Variants in VPS50 observed in about 807,000 individuals in gnomAD.
VPS50 encodes the protein syndetin.
A neutral mutation model predicts 139.7 loss-of-function variants in VPS50; 70 were observed. The ratio of observed to expected loss-of-function variants is 0.50; its 90% CI spans 0.41 to 0.61. The LOEUF (loss-of-function observed/expected upper bound fraction) is 0.61, where lower values mean the gene tolerates loss of function less well. Among genes scored for constraint, VPS50 ranks in the 20% least tolerant of loss-of-function variants. The pLI is 0.00. For synonymous variants in VPS50, 365 were observed against 376.7 expected (o/e 0.97, Z 0.36); for missense variants, 921 against 1,133.7 (o/e 0.81, Z 2.69).
chr7:93,283,734 G>A (rs1287563937), intron 12 of VPS50, among the ~76,000 whole-genome samples: 3 of 152,204 alleles, frequency 2.0e-5, no homozygotes, highest in African/African-American at 7.2e-5. Context: ...GGAGGAAAAA[G>A]TTGGGTCTTA....
At chr7:93,330,249 C>T (rs538032280) in intron 21 of VPS50, among the ~76,000 whole-genome samples, 3 of 151,950 alleles carry the variant, frequency 2.0e-5, no homozygotes, top group African/African-American at 7.2e-5. Flanking sequence ...TTTTAGCCAA[C>T]AGGAATATTA....
At chr7:93,304,204 A>C (rs1347798923) in intron 17 of VPS50, among the ~76,000 whole-genome samples, 1 of 151,882 alleles carries the variant, frequency 6.6e-6, no homozygotes, top group African/African-American at 2.4e-5. Context: ...ATCAAGTGTC[A>C]AAATGCAGTG....
intron 12 of VPS50, among the ~76,000 whole-genome samples, chr7:93,287,992 TCA>T (rs1796541521): frequency 1.3e-5 from 2 of 152,116 alleles, no homozygotes; most frequent in Non-Finnish European, 2.9e-5. Context: ...TTTAATTGAC[TCA>T]CAGTTCCACA....
intron 1 of VPS50, among the ~76,000 whole-genome samples, chr7:93,236,315 A>G (rs952864720): frequency 6.6e-6 from 1 of 152,180 alleles, no homozygotes; most frequent in Non-Finnish European, 1.5e-5. Context: ...TGGGTTCAGG[A>G]GAAAATAGGG....
Position 93,355,999 on chromosome 7 carries a change from T to A in VPS50, c.2694T>A (p.Pro898=). 1 of 1,584,524 alleles carries A rather than the reference T, an allele frequency of 6.3e-7. No individual in the cohort carries two copies. The highest frequency in any genetic ancestry group is 8.6e-7 in the Non-Finnish European group (1 of 1,157,724). The part of the protein sequence containing the change: ...LEKLTDIRPI[P]DKEFVETYIK... ...AACTAACAGATATTAGACCCATTCC[T>A]GATAAAGAATTTGTAGAAACTTATA... Residue 898 remains proline, a synonymous_variant, in exon 27 of 28, where the codon CCT becomes CCA. Transcript: ENST00000305866.
intron 20 of VPS50, among the ~76,000 whole-genome samples, chr7:93,322,322 G>A (rs1235072104): frequency 3.3e-5 from 5 of 152,218 alleles, no homozygotes; most frequent in East Asian, 3.9e-4. Context: ...AATTTAGGCC[G>A]GGCGCGGTGG....
At chr7:93,303,738 C>T (rs750658794) in intron 17 of VPS50, among the ~76,000 whole-genome samples, 188 bp downstream of exon 17, 5 of 151,514 alleles carry the variant, frequency 3.3e-5, no homozygotes, top group Admixed American at 1.3e-4. Flanking sequence ...TTTATGGTTG[C>T]GAAAAATCAG....
At chr7:93,253,783 G>C (rs1795405587) in intron 3 of VPS50, 77 bp from the exon 4 acceptor site, 2 of 789,870 alleles carry the variant, frequency 2.5e-6, no homozygotes, top group Non-Finnish European at 4.3e-6. Context: ...TAGTTCACTA[G>C]TCAGAAGGGT....
At chr7:93,299,846 G>A (rs763771221) in intron 16 of VPS50, among the ~76,000 whole-genome samples, 5 of 152,010 alleles carry the variant, frequency 3.3e-5, no homozygotes, top group Non-Finnish European at 7.4e-5. Flanking sequence ...AAAGAACATC[G>A]TTCTGTCAGA....
intron 12 of VPS50, among the ~76,000 whole-genome samples, chr7:93,282,518 G>T (rs867075217): frequency 2.0e-5 from 3 of 152,110 alleles, no homozygotes; most frequent in Middle Eastern, 3.2e-3. Flanking sequence ...ATAAAAAATG[G>T]TATTTCAATT....
intron 1 of VPS50, among the ~76,000 whole-genome samples, chr7:93,237,747 A>C (rs1306914649): frequency 6.6e-6 from 1 of 152,136 alleles, no homozygotes; most frequent in African/African-American, 2.4e-5. Flanking sequence ...TGGGTTTAAA[A>C]ATTTTTTTTA....
chr7:93,351,887 A>G (rs1189724437), intron 25 of VPS50, among the ~76,000 whole-genome samples: 1 of 152,208 alleles, frequency 6.6e-6, no homozygotes, highest in African/African-American at 2.4e-5. Flanking sequence ...TTCCAGTTAT[A>G]AGAAAGAACT....
intron 2 of VPS50, among the ~76,000 whole-genome samples, chr7:93,242,288 G>C (rs1795015803): frequency 6.6e-6 from 1 of 151,726 alleles, no homozygotes; most frequent in African/African-American, 2.4e-5. Context: ...CATTCAAGCA[G>C]GGGTAAGGCG....
intron 21 of VPS50, among the ~76,000 whole-genome samples, chr7:93,332,161 A>G (rs1307362090): frequency 6.6e-6 from 1 of 152,234 alleles, no homozygotes; most frequent in Non-Finnish European, 1.5e-5. Context: ...TTTATTTCTC[A>G]CAGTTCTGGA....
chr7:93,246,384 G>A (rs1040819573), intron 2 of VPS50, among the ~76,000 whole-genome samples: 38 of 151,816 alleles, frequency 2.5e-4, no homozygotes, highest in African/African-American at 8.4e-4. Context: ...GTATAATGTG[G>A]ACTGGTCTAA....
At chr7:93,345,836 T>A (rs1259985368) in intron 23 of VPS50, among the ~76,000 whole-genome samples, 1 of 152,102 alleles carries the variant, frequency 6.6e-6, no homozygotes, top group East Asian at 1.9e-4. Flanking sequence ...CGCAAAATAA[T>A]AAGAGCTATC....
chr7:93,242,911 G>A (rs919961175), intron 2 of VPS50, among the ~76,000 whole-genome samples: 3 of 151,970 alleles, frequency 2.0e-5, no homozygotes, highest in South Asian at 2.1e-4. Flanking sequence ...TTGGCAAATT[G>A]TATGTGCTTC....
chr7:93,333,795 G>A (rs1255570060), intron 21 of VPS50: 3 of 313,102 alleles, frequency 9.6e-6, no homozygotes, highest in Non-Finnish European at 1.8e-5. Context: ...ACAACAGAGT[G>A]TAATATGTTT....
chr7:93,319,590 C>G (rs1347930244), intron 20 of VPS50, among the ~76,000 whole-genome samples: 1 of 152,072 alleles, frequency 6.6e-6, no homozygotes, highest in East Asian at 1.9e-4. Context: ...ATTTCTCTCT[C>G]TTTGAAAACT....
Sources: gnomAD v4.1 joint callset for allele counts (sites outside exome capture counted in the v4.1 genomes callset) on GRCh38, gnomAD v4.1.1 for gene constraint, MANE v1.5 for transcripts, NCBI Gene and HGNC (gene_info 2026-07-23, HGNC 2026-07-21) for gene names.